LIG1: variants seen among roughly 807,000 people sequenced by gnomAD.
The protein encoded by LIG1 is DNA ligase 1, also known as ligase I, DNA, ATP-dependent.
A neutral mutation model predicts 115.7 loss-of-function variants in LIG1; 70 were observed. That is an observed-to-expected ratio of 0.60 (90% confidence interval 0.50 to 0.74). LIG1 has a LOEUF of 0.74. Ranked by LOEUF, LIG1 falls within the 30% of genes least tolerant of loss-of-function variation. LIG1 has a pLI of 0.00. For synonymous variants in LIG1, 487 were observed against 495.3 expected, an observed-to-expected ratio of 0.98 and a Z score of 0.22; for missense variants, 1,115 against 1,225.6, an observed-to-expected ratio of 0.91 and a Z score of 1.35.
rs377532486 is a variant in LIG1 at position 48,149,703 on chromosome 19, C to T, written c.776+60G>A. On this transcript the variant is annotated intron_variant, in intron 9 of 27. Coordinates refer to ENST00000263274, the MANE Select transcript of LIG1 (RefSeq NM_000234.3). ...AAGCCTGAGCTGGGGGTGGGGCTGT[C>T]GGAATGCAGAGAAGGGAACACATCC... 485 of 1,376,562 alleles carry T rather than the reference C, an allele frequency of 3.5e-4. 1 individual carries two copies. Among genetic ancestry groups the T allele is most frequent in the Non-Finnish European group, 4.1e-4 (398 of 967,734 alleles). 85.3% of individuals were successfully genotyped at this position (1,376,562 alleles called of 1,614,324 possible). A position where few individuals can be genotyped will look rare whatever the true frequency, so the allele number is the denominator to read the frequency against.
Position 48,154,811 on chromosome 19 carries a change from C to T in LIG1, c.371-844G>A, listed in dbSNP as rs536969252. Among the ~76,000 whole-genome samples, 7 of 152,338 alleles carry T rather than the reference C, an allele frequency of 4.6e-5. No individual in the cohort carries two copies. The East Asian group carries it at 1.2e-3, about 25-fold the overall frequency. ...CCAGAGGGACCTTCTATCAGCATGG[C>T]TGGCACTGTCTCTCCCTGCTCAAAA... On this transcript the variant is annotated intron_variant, in intron 5 of 27. Coordinates refer to ENST00000263274, the MANE Select transcript of LIG1 (RefSeq NM_000234.3).
At chr19:48,133,380 C>T (rs1208247521) in intron 17 of LIG1, 3 of 457,856 alleles carry the variant, frequency 6.6e-6, no homozygotes, top group African/African-American at 2.0e-5. Flanking sequence ...CCCTCCTCTG[C>T]GTCCCTCCTC....
At chr19:48,167,593 G>A (rs2036547555) in intron 1 of LIG1, among the ~76,000 whole-genome samples, 1 of 152,102 alleles carries the variant, frequency 6.6e-6, no homozygotes, top group Admixed American at 6.5e-5. Context: ...TTGGAAGGCT[G>A]AGACAGGCGG....
intron 11 of LIG1, among the ~76,000 whole-genome samples, chr19:48,142,442 C>CATAAAAAAAAAAAAAAAA (rs2034824951): frequency 1.3e-5 from 1 of 75,604 alleles, no homozygotes; most frequent in Non-Finnish European, 2.6e-5. Context: ...GACTCCATCT[C>CATAAAAAAAAAAAAAAAA]AAAAAAAAAA....
chr19:48,168,528 C>T (rs2036595566), intron 1 of LIG1, among the ~76,000 whole-genome samples: 1 of 152,078 alleles, frequency 6.6e-6, no homozygotes, highest in African/African-American at 2.4e-5. Flanking sequence ...AACGGCAACC[C>T]CACTTCTGTG....
chr19:48,163,207 C>G (rs886610076), intron 2 of LIG1, among the ~76,000 whole-genome samples: 1 of 143,594 alleles, frequency 7.0e-6, no homozygotes, highest in Non-Finnish European at 1.5e-5. Flanking sequence ...CATGTGCCCC[C>G]GCGCCCAGCC....
Position 48,135,765 on chromosome 19 carries a change from T to C in LIG1, c.1438A>G (p.Met480Val), listed in dbSNP as rs3730980. ...TPPGQEFPPA[M>V]VDAGKGKTAE... ...GTCTTGCCCTTCCCAGCATCCACCA[T>C]GGCTGGTGGGAATTCTAAGAAAAGA... is the stretch of plus-strand genomic sequence containing the variant. The change falls in exon 16 of 28, where the codon ATG (methionine) becomes GTG (valine). Residue 480 changes from methionine (M) to valine (V), a missense_variant. Physicochemically the swap from Met to Val is conservative, Grantham distance 21. Coordinates refer to ENST00000263274, the MANE Select transcript of LIG1 (RefSeq NM_000234.3). 1.5e-3 allele frequency: 2,384 copies of C among 1,613,838 alleles called. 29 individuals are homozygous for C. The African/African-American group carries it at 0.028, about 19-fold the overall frequency.
At chr19:48,141,964 T>G (rs527650509) in intron 11 of LIG1, among the ~76,000 whole-genome samples, 1 of 152,080 alleles carries the variant, frequency 6.6e-6, no homozygotes, top group African/African-American at 2.4e-5. Context: ...GATGAGAGCA[T>G]AGTGAATGAA....
chr19:48,155,865 G>A (rs1009005017), intron 5 of LIG1, among the ~76,000 whole-genome samples: 1 of 152,186 alleles, frequency 6.6e-6, no homozygotes, highest in Non-Finnish European at 1.5e-5. Flanking sequence ...TGTGGAAAAA[G>A]TGCAAAGTCT....
In LIG1 at chr19:48,140,497, G is replaced by T. The variant is rs545068570; in HGVS notation, c.915-354C>A. 3.6e-4 allele frequency among the ~76,000 whole-genome samples: 55 copies of T among 152,280 alleles called. 1 individual carries two copies. The South Asian group carries it at 0.011, about 32-fold the overall frequency. On this transcript the variant is annotated intron_variant, in intron 11 of 27. Coordinates refer to ENST00000263274, the MANE Select transcript of LIG1 (RefSeq NM_000234.3). ...GTGGCTTGACTCTGAAACGAAATTG[G>T]TAATAGCCCTTTCTGGAAAAGACCC...
intron 25 of LIG1, among the ~76,000 whole-genome samples, chr19:48,118,688 G>A (rs1435297447): frequency 5.3e-5 from 8 of 151,980 alleles, no homozygotes; most frequent in East Asian, 1.9e-4. Context: ...ACAGGCATGC[G>A]CCACCACGCC....
intron 1 of LIG1, among the ~76,000 whole-genome samples, chr19:48,166,581 A>G (rs544112734): frequency 2.6e-5 from 4 of 152,202 alleles, no homozygotes; most frequent in South Asian, 4.1e-4. Context: ...CCTTCACAAT[A>G]TATTTTTAAA....
intron 1 of LIG1, among the ~76,000 whole-genome samples, chr19:48,167,346 C>A (rs1171290399): frequency 6.6e-6 from 1 of 152,088 alleles, no homozygotes; most frequent in Non-Finnish European, 1.5e-5. Flanking sequence ...CCAGCCTGGG[C>A]AACAGAAATG....
At chr19:48,155,671 G>A (rs1439039420) in intron 5 of LIG1, among the ~76,000 whole-genome samples, 1 of 152,150 alleles carries the variant, frequency 6.6e-6, no homozygotes, top group Non-Finnish European at 1.5e-5. Flanking sequence ...GGTTTGAAGA[G>A]TCTATTTTGC....
intron 18 of LIG1, among the ~76,000 whole-genome samples, chr19:48,131,387 C>A (rs780901797): frequency 3.9e-5 from 6 of 152,208 alleles, no homozygotes; most frequent in Admixed American, 3.9e-4. Context: ...TTTCCAATCC[C>A]TACACCTCTC....
chr19:48,136,746 C>A (rs542961370), intron 14 of LIG1, among the ~76,000 whole-genome samples: 1 of 152,362 alleles, frequency 6.6e-6, no homozygotes, highest in Admixed American at 6.5e-5. Flanking sequence ...CAAGCCGAGG[C>A]AGACCTCACC....
intron 12 of LIG1, among the ~76,000 whole-genome samples, chr19:48,138,790 G>A (rs1050059967): frequency 2.6e-5 from 4 of 152,226 alleles, no homozygotes; most frequent in African/African-American, 7.2e-5. Context: ...CCAAGCCAAT[G>A]TAGTTGGGTT....
intron 4 of LIG1, 117 bp downstream of exon 4, chr19:48,161,255 T>C (rs527326335): frequency 6.0e-5 from 87 of 1,457,148 alleles, no homozygotes; most frequent in African/African-American, 1.4e-4. Flanking sequence ...AGGAAACACA[T>C]CTACCTCTCC....
At chr19:48,130,768 G>C (rs540772300) in intron 19 of LIG1, among the ~76,000 whole-genome samples, 1 of 152,320 alleles carries the variant, frequency 6.6e-6, no homozygotes, top group African/African-American at 2.4e-5. Flanking sequence ...GAAACTCTAA[G>C]GGGACAAGCA....
Sources: allele counts gnomAD v4.1 joint callset (sites outside exome capture counted in the v4.1 genomes callset), GRCh38; gene constraint gnomAD v4.1.1; transcripts MANE v1.5; gene names NCBI Gene and HGNC (gene_info 2026-07-23, HGNC 2026-07-21).